CLHC1: variants seen among roughly 807,000 people sequenced by gnomAD.
The protein encoded by CLHC1 is clathrin heavy chain linker domain-containing protein 1.
Under a neutral mutation model 69.5 loss-of-function variants are expected in CLHC1, and 72 were observed. That is an observed-to-expected ratio of 1.04 (90% CI 0.86 to 1.26). The LOEUF (loss-of-function observed/expected upper bound fraction) is 1.26, where lower values mean the gene tolerates loss of function less well. Among genes scored for constraint, CLHC1 ranks in the 50% most tolerant of loss-of-function variants. CLHC1 has a pLI of 0.00. For missense variants in CLHC1, 790 were observed against 679.3 expected, an observed-to-expected ratio of 1.16 and a Z score of -1.81; for synonymous variants, 223 against 224.3, an observed-to-expected ratio of 0.99 and a Z score of 0.05.
intron 9 of CLHC1, among the ~76,000 whole-genome samples, chr2:55,187,848 T>C (rs1303684431): frequency 1.3e-5 from 2 of 152,122 alleles, no homozygotes; most frequent in Admixed American, 6.5e-5. Context: ...CTTCTGTTCA[T>C]CTTAAGATAT....
intron 1 of CLHC1, among the ~76,000 whole-genome samples, chr2:55,230,873 G>C (rs1438584276): frequency 6.6e-6 from 1 of 152,180 alleles, no homozygotes; most frequent in East Asian, 1.9e-4. Context: ...TCAGACAACG[G>C]AAGGGAAAGA....
At chr2:55,198,013 TAGAAAG>T (rs755239071) in intron 9 of CLHC1, among the ~76,000 whole-genome samples, 137 of 152,268 alleles carry the variant, frequency 9.0e-4, no homozygotes, top group Non-Finnish European at 1.0e-3. Context: ...TTGAAATAAT[TAGAAAG>T]AGACAGGCAT....
At chr2:55,178,458 T>A (rs1669613610) in intron 11 of CLHC1, among the ~76,000 whole-genome samples, 1 of 152,224 alleles carries the variant, frequency 6.6e-6, no homozygotes, top group South Asian at 2.1e-4. Context: ...ATTGAGGTAA[T>A]CTAAAGCTAC....
chr2:55,188,805 GA>G (rs972151882), intron 9 of CLHC1, among the ~76,000 whole-genome samples: 1 of 151,808 alleles, frequency 6.6e-6, no homozygotes, highest in South Asian at 2.1e-4. Context: ...AATGTTGAGT[GA>G]AAAAAAGACA....
rs774103113 is a variant in CLHC1 at position 55,180,564 on chromosome 2, C to A, written c.1330G>T (p.Gly444Cys). 1.2e-6 allele frequency: 2 copies of A among 1,614,074 alleles called. No individual in the cohort carries two copies. The highest frequency in any genetic ancestry group is 2.2e-5 in the East Asian group (1 of 44,876). ...KKAILCLCKQ[G>C]QTHRVMEYIQ... ...TACTCCATGACCCTATGAGTCTGAC[C>A]CTGTTTACACAAGCAAAGAATAGCT... Residue 444 changes from glycine to cysteine, a missense_variant, in exon 11 of 13, where the codon GGT (glycine) becomes TGT (cysteine). Physicochemically the swap from Gly to Cys is radical, Grantham distance 159. Transcript: ENST00000401408.
intron 11 of CLHC1, among the ~76,000 whole-genome samples, chr2:55,178,177 C>G (rs1669586652): frequency 6.6e-6 from 1 of 152,130 alleles, no homozygotes; most frequent in Non-Finnish European, 1.5e-5. Context: ...TCTAATACTA[C>G]AGTTTGTTTG....
At chr2:55,217,089 G>A (rs1673591409) in intron 4 of CLHC1, among the ~76,000 whole-genome samples, 1 of 152,116 alleles carries the variant, frequency 6.6e-6, no homozygotes, top group Non-Finnish European at 1.5e-5. Flanking sequence ...CAGCTACTTG[G>A]GAGGCTGAGG....
intron 9 of CLHC1, among the ~76,000 whole-genome samples, chr2:55,197,822 C>A (rs568988052): frequency 6.6e-6 from 1 of 152,242 alleles, no homozygotes; most frequent in South Asian, 2.1e-4. Flanking sequence ...TCAAGACCAA[C>A]CAGGAAAACA....
intron 9 of CLHC1, among the ~76,000 whole-genome samples, chr2:55,187,156 G>A (rs1186403556): frequency 6.6e-6 from 1 of 151,816 alleles, no homozygotes; most frequent in Non-Finnish European, 1.5e-5. Context: ...ATGGTGGCAT[G>A]CACCTGTACT....
rs1305754667 is a variant in CLHC1 at position 55,174,458 on chromosome 2, A to G, written c.*1332T>C. On this transcript the variant is annotated 3_prime_UTR_variant, in exon 13 of 13. Coordinates refer to ENST00000401408, the MANE Select transcript of CLHC1 (RefSeq NM_152385.4). ...TATGGGATTTAGTAAGTACAAACTA[A>G]GTAGAGAAATGTGTGTTTCTGGGGC... is the stretch of plus-strand genomic sequence containing the variant. Among the ~76,000 whole-genome samples the G allele has an allele frequency of 6.6e-6, 1 of 152,252 alleles. No homozygotes were observed. Among genetic ancestry groups the G allele is most frequent in the East Asian group, 1.9e-4 (1 of 5,202 alleles).
intron 4 of CLHC1, among the ~76,000 whole-genome samples, chr2:55,216,560 G>C (rs944517329): frequency 7.9e-5 from 12 of 151,458 alleles, no homozygotes; most frequent in Non-Finnish European, 1.5e-5. Context: ...TCTTGAGATG[G>C]CGTCTCGCTC....
chr2:55,222,918 C>CA (rs59113625), intron 2 of CLHC1, among the ~76,000 whole-genome samples: 16,229 of 68,066 alleles, frequency 0.24, 2,191 homozygotes, highest in African/African-American at 0.31. Context: ...GAAACTGTCT[C>CA]AAAAAAAAAA....
rs1011191257 is a variant in CLHC1, at chr2:55,172,757, A to G, written c.*3033T>C. On this transcript the variant is annotated 3_prime_UTR_variant, in exon 13 of 13. Transcript: ENST00000401408. The stretch of plus-strand genomic sequence containing the variant: ...TTTTGACTTAACATATGCTTTAGCA[A>G]TCCAACAGAATTCCAGGCACCTAAA... 4.6e-5 allele frequency among the ~76,000 whole-genome samples: 7 copies of G among 151,250 alleles called. No homozygotes were observed. Among genetic ancestry groups the G allele is most frequent in the African/African-American group, 7.3e-5 (3 of 41,326 alleles).
chr2:55,185,355 G>C (rs1670325222), intron 9 of CLHC1, among the ~76,000 whole-genome samples: 1 of 152,104 alleles, frequency 6.6e-6, no homozygotes, highest in African/African-American at 2.4e-5. Flanking sequence ...TCCTCACCCA[G>C]TCAGATGATA....
intron 9 of CLHC1, 64 bp downstream of exon 9, chr2:55,206,206 T>C: frequency 1.1e-6 from 1 of 946,106 alleles, no homozygotes; most frequent in Non-Finnish European, 1.6e-6. Flanking sequence ...ATGCTTTTTC[T>C]ATTTTATGAG....
At chr2:55,179,461 A>C (rs1669707055) in intron 11 of CLHC1, among the ~76,000 whole-genome samples, 1 of 152,204 alleles carries the variant, frequency 6.6e-6, no homozygotes, top group Admixed American at 6.5e-5. Flanking sequence ...GTAACTTAAA[A>C]AAACAACAAC....
chr2:55,232,064 G>A (rs1675451434), intron 1 of CLHC1, 159 bp downstream of exon 1: 1 of 152,542 alleles, frequency 6.6e-6, no homozygotes, highest in Admixed American at 6.5e-5. Flanking sequence ...GGCCCAAGGA[G>A]CGTCTGGTAG....
chr2:55,231,975 G>A (rs905578601), intron 1 of CLHC1: 7 of 152,224 alleles, frequency 4.6e-5, no homozygotes, highest in Non-Finnish European at 5.9e-5. Flanking sequence ...GGAGAGAAAG[G>A]GCTGAACCCC....
At chr2:55,226,170 C>G (rs1299834116) in intron 2 of CLHC1, among the ~76,000 whole-genome samples, 5 of 142,468 alleles carry the variant, frequency 3.5e-5, no homozygotes, top group African/African-American at 1.3e-4. Flanking sequence ...CCAGCCTGGG[C>G]AACTGAGCGA....
Sources: gnomAD v4.1 joint callset for allele counts (sites outside exome capture counted in the v4.1 genomes callset) on GRCh38, gnomAD v4.1.1 for gene constraint, MANE v1.5 for transcripts, NCBI Gene and HGNC (gene_info 2026-07-23, HGNC 2026-07-21) for gene names.